The following PTPN13 variants were observed in gnomAD, a reference collection of about 807,000 sequenced individuals.
PTPN13 encodes the protein protein tyrosine phosphatase non-receptor type 13.
In PTPN13, 191 loss-of-function variants were observed where a neutral mutation model predicts 284.0. That is an observed-to-expected ratio of 0.67 (90% confidence interval 0.60 to 0.76). The LOEUF (loss-of-function observed/expected upper bound fraction) is 0.76, where lower values mean the gene tolerates loss of function less well. Among genes scored for constraint, PTPN13 ranks in the 30% least tolerant of loss-of-function variants. The pLI, the probability that PTPN13 is intolerant of heterozygous loss-of-function variation, is 0.00. For missense variants in PTPN13, 2,797 were observed against 2,939.9 expected (o/e 0.95, Z 1.12); for synonymous variants, 986 against 1,022.3 (o/e 0.96, Z 0.68).
intron 5 of PTPN13, among the ~76,000 whole-genome samples, chr4:86,692,773 T>C (rs909008670): frequency 6.6e-6 from 1 of 152,094 alleles, no homozygotes; most frequent in Admixed American, 6.5e-5. Context: ...CCTCAGAGCG[T>C]CCATTTAAAG....
intron 2 of PTPN13, among the ~76,000 whole-genome samples, chr4:86,635,692 G>A (rs866510211): frequency 2.0e-5 from 3 of 152,096 alleles, no homozygotes; most frequent in Non-Finnish European, 2.9e-5. Flanking sequence ...GGCCAGGTGC[G>A]GTGGCTTACA....
At chr4:86,637,587 T>C (rs1472486352) in intron 2 of PTPN13, among the ~76,000 whole-genome samples, 1 of 151,318 alleles carries the variant, frequency 6.6e-6, no homozygotes, top group East Asian at 1.9e-4. Context: ...ACCACATGAT[T>C]ATCTCAATAG....
chr4:86,727,122 T>C (rs1243912874), intron 10 of PTPN13, among the ~76,000 whole-genome samples: 1 of 149,636 alleles, frequency 6.7e-6, no homozygotes, highest in East Asian at 1.9e-4. Context: ...CATTTATTGA[T>C]TTGCCTATGT....
At chr4:86,704,138 C>T (rs1379595619) in intron 7 of PTPN13, among the ~76,000 whole-genome samples, 2 of 152,096 alleles carry the variant, frequency 1.3e-5, no homozygotes, top group Non-Finnish European at 1.5e-5. Flanking sequence ...GAACCGAGAT[C>T]GCGCCATTGC....
chr4:86,615,540 A>G (rs1217296258), intron 1 of PTPN13, among the ~76,000 whole-genome samples: 5 of 152,136 alleles, frequency 3.3e-5, no homozygotes, highest in Non-Finnish European at 5.9e-5. Context: ...TGCGTTCATT[A>G]TAGCATTTTA....
At position 86,714,790 on chromosome 4, in the gene PTPN13, C is replaced by G. The variant is rs149998660; in HGVS notation, c.1196-1740C>G. Among the ~76,000 whole-genome samples, 207 of 152,232 alleles carry G rather than the reference C, an allele frequency of 1.4e-3. 2 individuals carry two copies. Among genetic ancestry groups the G allele is most frequent in the African/African-American group, 4.8e-3 (198 of 41,528 alleles). ...GTGCTTGCTATGTACCAGGTACTTG[C>G]TAGACTAGGTACTAGAAGTACATCT... On this transcript the variant is annotated intron_variant, in intron 7 of 47. Transcript: ENST00000411767.
At chr4:86,676,473 T>C (rs1179048583) in intron 3 of PTPN13, among the ~76,000 whole-genome samples, 2 of 152,146 alleles carry the variant, frequency 1.3e-5, no homozygotes, top group African/African-American at 4.8e-5. Context: ...AAATTAAAAA[T>C]AGAATTACCA....
chr4:86,683,690 C>T (rs905362463), intron 3 of PTPN13, among the ~76,000 whole-genome samples: 2 of 152,064 alleles, frequency 1.3e-5, no homozygotes, highest in Admixed American at 6.5e-5. Context: ...TATAGGTGAT[C>T]AGCAAATGTA....
At chr4:86,792,351 G>A (rs1231824255) in intron 40 of PTPN13, among the ~76,000 whole-genome samples, 1 of 152,174 alleles carries the variant, frequency 6.6e-6, no homozygotes, top group Admixed American at 6.5e-5. Context: ...TAGAAATATG[G>A]GACTGTGTGA....
intron 2 of PTPN13, among the ~76,000 whole-genome samples, chr4:86,639,647 G>A (rs1039414375): frequency 3.3e-5 from 5 of 151,498 alleles, no homozygotes; most frequent in Admixed American, 6.6e-5. Context: ...CATGGACACA[G>A]GAAGGGAAAC....
chr4:86,768,066 C>A, intron 28 of PTPN13, 90 bp downstream of exon 28: 1 of 1,191,564 alleles, frequency 8.4e-7, no homozygotes, highest in Non-Finnish European at 1.2e-6. Flanking sequence ...CAGTTAATGC[C>A]CTAGTTTTGT....
At position 86,805,319 on chromosome 4, in the gene PTPN13, G is replaced by A. The variant is rs1290976594; in HGVS notation, c.6695G>A (p.Gly2232Glu). The A allele has an allele frequency of 6.2e-7, 1 of 1,600,220 alleles. No homozygotes were observed. Among genetic ancestry groups the A allele is most frequent in the Non-Finnish European group, 8.5e-7 (1 of 1,170,688 alleles). Residue 2232 changes from glycine to glutamate, a missense_variant, in exon 44 of 48, where the codon GGG becomes GAG. Coordinates refer to ENST00000411767, the MANE Select transcript of PTPN13 (RefSeq NM_080683.3). Reference protein sequence around the residue: ...ELKPLDQCLIGQTKENRRKNR... With the variant: ...ELKPLDQCLIEQTKENRRKNR... ...AAACCTTTGGATCAGTGTCTAATTGGGCAAACTAAGGAAAACAGAAGGAAG... is the reference window on the plus strand; with the variant it reads ...AAACCTTTGGATCAGTGTCTAATTGAGCAAACTAAGGAAAACAGAAGGAAG...
chr4:86,636,025 A>G (rs1722976368), intron 2 of PTPN13, among the ~76,000 whole-genome samples: 1 of 152,120 alleles, frequency 6.6e-6, no homozygotes, highest in African/African-American at 2.4e-5. Flanking sequence ...AACAAATGTA[A>G]AAAATGCAGC....
chr4:86,634,977 C>T (rs1722851243), intron 1 of PTPN13, among the ~76,000 whole-genome samples: 1 of 152,230 alleles, frequency 6.6e-6, no homozygotes. Flanking sequence ...ACCCTGGGGT[C>T]TCTTCCTTTT....
intron 7 of PTPN13, among the ~76,000 whole-genome samples, chr4:86,705,739 A>G (rs1202817441): frequency 6.6e-6 from 1 of 152,098 alleles, no homozygotes; most frequent in African/African-American, 2.4e-5. Flanking sequence ...ATAATGAGTT[A>G]AAGATAGAGT....
chr4:86,629,857 A>G (rs1722270487), intron 1 of PTPN13, among the ~76,000 whole-genome samples: 1 of 152,128 alleles, frequency 6.6e-6, no homozygotes, highest in African/African-American at 2.4e-5. Context: ...CCCAGGCTCA[A>G]GCAATCCTCC....
At position 86,722,446 on chromosome 4, in the gene PTPN13, C is replaced by G. The variant is rs550186557; in HGVS notation, c.1608+12C>G. ...AAAGAAAACTGAGGGTAAGTTGATT[C>G]TCAGGTTACTACACATCTAAACCTG... On this transcript the variant is annotated intron_variant, in intron 10 of 47. Transcript: ENST00000411767. 1.3e-6 allele frequency: 2 copies of G among 1,595,950 alleles called. No individual in the cohort carries two copies. The highest frequency in any genetic ancestry group is 1.7e-5 in the Admixed American group (1 of 59,950).
chr4:86,719,968 A>C (rs1733477340), intron 9 of PTPN13, among the ~76,000 whole-genome samples: 2 of 152,178 alleles, frequency 1.3e-5, no homozygotes, highest in African/African-American at 2.4e-5. Flanking sequence ...GGGATGAACA[A>C]CAAAAGTAAG....
At chr4:86,718,056 C>G (rs1156316991) in intron 9 of PTPN13, among the ~76,000 whole-genome samples, 1 of 152,100 alleles carries the variant, frequency 6.6e-6, no homozygotes, top group Non-Finnish European at 1.5e-5. Flanking sequence ...GTTGTTTAAA[C>G]TGAAAGGTGT....
Sources: gnomAD v4.1 joint callset for allele counts (sites outside exome capture counted in the v4.1 genomes callset) on GRCh38, gnomAD v4.1.1 for gene constraint, MANE v1.5 for transcripts, NCBI Gene and HGNC (gene_info 2026-07-23, HGNC 2026-07-21) for gene names.